Variants in RUBCNL observed in about 807,000 individuals in gnomAD.
The protein encoded by RUBCNL is protein associated with UVRAG as autophagy enhancer.
A neutral mutation model predicts 69.5 loss-of-function variants in RUBCNL; 62 were observed. The ratio of observed to expected loss-of-function variants is 0.89; its 90% CI spans 0.73 to 1.10. The LOEUF is 1.10. RUBCNL is among the 50% of genes least tolerant of loss of function. The probability of loss-of-function intolerance (pLI) is 0.00; values close to 1 mark genes in which losing one functional copy is unlikely to be tolerated. For missense variants in RUBCNL, 768 were observed against 798.1 expected, an observed-to-expected ratio of 0.96 and a Z score of 0.45; for synonymous variants, 291 against 303.6, an observed-to-expected ratio of 0.96 and a Z score of 0.43.
chr13:46,350,373 G>A (rs367676102), intron 10 of RUBCNL, 22 bp from the exon 11 acceptor site: 59 of 1,501,620 alleles, frequency 3.9e-5, no homozygotes, highest in Middle Eastern at 1.7e-4. Flanking sequence ...ACCGGAGGGT[G>A]AGTGCCACAC....
rs1216145978 is a variant in RUBCNL at position 46,335,313 on chromosome 13, A to T, written c.*8072T>A. Among the ~76,000 whole-genome samples, 2 of 141,480 alleles carry T rather than the reference A, an allele frequency of 1.4e-5. No homozygotes were observed. The highest frequency in any genetic ancestry group is 3.0e-5 in the Non-Finnish European group (2 of 66,846). The allele number at this position is 141,480 out of a possible 152,430, so 92.8% of individuals were successfully genotyped here. A position where few individuals can be genotyped will look rare whatever the true frequency, so the allele number is the denominator to read the frequency against. On this transcript the variant is annotated 3_prime_UTR_variant, in exon 15 of 15. Transcript: ENST00000429979. The stretch of plus-strand genomic sequence containing the variant: ...GAGACAGGGTCTCGCTATGTTGCAC[A>T]GGCTGGTCACAAACTCCTGGGCTCA...
At chr13:46,358,860 G>A (rs1016560384) in intron 9 of RUBCNL, among the ~76,000 whole-genome samples, 5 of 151,780 alleles carry the variant, frequency 3.3e-5, no homozygotes, top group African/African-American at 4.8e-5. Context: ...CACCGTACCC[G>A]GCCTCTGTAA....
chr13:46,372,307 G>C lies in RUBCNL; in HGVS notation c.169C>G (p.Gln57Glu). The C allele has an allele frequency of 6.2e-7, 1 of 1,613,998 alleles. No homozygotes were observed. Residue 57 changes from glutamine to glutamate, a missense_variant, in exon 3 of 15, where the codon CAG becomes GAG. Gln to Glu is a conservative substitution (Grantham distance 29). Coordinates refer to ENST00000429979, the MANE Select transcript of RUBCNL (RefSeq NM_025113.5). ...TCCTGCGGCTGTTGCTGCACATCCT[G>C]GGGGTTAATCCAGACAGCTTTGTGC... is the stretch of plus-strand genomic sequence containing the variant. ...MRHKAVWINP[Q>E]DVQQQPQDLQ...
At chr13:46,363,794 G>C (rs2048685750) in intron 5 of RUBCNL, among the ~76,000 whole-genome samples, 1 of 151,592 alleles carries the variant, frequency 6.6e-6, no homozygotes, top group African/African-American at 2.4e-5. Flanking sequence ...CTGGGAGGCG[G>C]AGATTGTAGT....
chr13:46,343,481 A>G lies in RUBCNL; in HGVS notation c.1893T>C (p.Phe631=). 6.2e-7 allele frequency: 1 copy of G among 1,613,896 alleles called. No individual in the cohort carries two copies. Among genetic ancestry groups the G allele is most frequent in the Non-Finnish European group, 8.5e-7 (1 of 1,179,844 alleles). The change falls in exon 15 of 15, where the codon TTT becomes TTC. Residue 631 remains phenylalanine (F), a synonymous_variant. Transcript: ENST00000429979. ...CGGAGGACTGGAAGCACTGTTTGTG[A>G]AAGCAAGCCCTGCACGCTGCAAGCA... ...CRRCSACRAC[F]HKQCFQSSEC...
Position 46,372,059 on chromosome 13 carries a change from T to C in RUBCNL, c.417A>G (p.Pro139=), listed in dbSNP as rs758119576. 4 of 1,614,018 alleles carry C rather than the reference T, an allele frequency of 2.5e-6. No homozygotes were observed. The highest frequency in any genetic ancestry group is 1.6e-4 in the Middle Eastern group (1 of 6,062). ...LSSTEVHMVR[P]GYSHRVSLPT... is the part of the protein sequence containing the mutation. The stretch of plus-strand genomic sequence containing the variant: ...GCAGAGACACCCGATGAGAGTATCC[T>C]GGGCGGACCATGTGTACCTCTGTTG... Residue 139 remains proline (P), a synonymous_variant, in exon 3 of 15, where the codon CCA becomes CCG. Coordinates refer to ENST00000429979, the MANE Select transcript of RUBCNL (RefSeq NM_025113.5).
At chr13:46,379,372 G>A (rs985356956) in intron 1 of RUBCNL, among the ~76,000 whole-genome samples, 1 of 152,192 alleles carries the variant, frequency 6.6e-6, no homozygotes, top group South Asian at 2.1e-4. Context: ...CACCGCAGGC[G>A]GCCGAGGGCA....
At chr13:46,388,758 C>T (rs1474281808), upstream of RUBCNL, among the ~76,000 whole-genome samples, 2 of 152,196 alleles carry the variant, frequency 1.3e-5, no homozygotes, top group Admixed American at 1.3e-4. Flanking sequence ...TTTGTCATTT[C>T]CAGGATGGAG....
intron 5 of RUBCNL, among the ~76,000 whole-genome samples, chr13:46,364,779 C>A (rs1450445159): frequency 1.3e-5 from 2 of 150,420 alleles, no homozygotes; most frequent in East Asian, 3.9e-4. Context: ...ACATCTATTG[C>A]CACAAATGTC....
chr13:46,345,672 G>C, intron 12 of RUBCNL, 72 bp from the exon 13 acceptor site: 1 of 1,470,914 alleles, frequency 6.8e-7, no homozygotes, highest in Non-Finnish European at 9.2e-7. Context: ...GGGGCCAGTT[G>C]TTTTCTCTTG....
At chr13:46,349,516 T>C (rs1383728127) in intron 11 of RUBCNL, among the ~76,000 whole-genome samples, 169 bp from the exon 12 acceptor site, 6 of 152,228 alleles carry the variant, frequency 3.9e-5, no homozygotes, top group Non-Finnish European at 7.3e-5. Context: ...AGTCTGCTGA[T>C]CCACAAAGTG....
In RUBCNL at chr13:46,356,832, G is replaced by A. The variant is rs111944954; in HGVS notation, c.1266-336C>T. On this transcript the variant is annotated intron_variant, in intron 9 of 14. Transcript: ENST00000429979. ...CAAGCAATCCTCAGCCTCCTGTGTA[G>A]GTAGCTAGGACTACATGTACACGCC... Among the ~76,000 whole-genome samples, 1,298 of 151,376 alleles carry A rather than the reference G, an allele frequency of 8.6e-3. 12 individuals are homozygous for A. The highest frequency in any genetic ancestry group is 0.029 in the African/African-American group (1,203 of 41,276).
intron 13 of RUBCNL, 63 bp from the exon 14 acceptor site, chr13:46,344,894 T>A: frequency 9.8e-7 from 1 of 1,016,844 alleles, no homozygotes. Flanking sequence ...GTTTTCACTA[T>A]TACAGAACTT....
At chr13:46,368,602 C>T (rs1050685527) in intron 4 of RUBCNL, 131 bp downstream of exon 4, 21 of 1,298,512 alleles carry the variant, frequency 1.6e-5, no homozygotes, top group South Asian at 3.1e-5. Context: ...CTGGCAGTCT[C>T]CATCAATCAA....
upstream of RUBCNL, chr13:46,387,304 C>T: frequency 2.0e-6 from 2 of 985,530 alleles, no homozygotes; most frequent in Non-Finnish European, 2.4e-6. Context: ...GCCGCCACGC[C>T]CCCCGCCTCC....
At chr13:46,378,705 G>A (rs1413159670) in intron 1 of RUBCNL, 2 of 152,204 alleles carry the variant, frequency 1.3e-5, no homozygotes, top group South Asian at 2.1e-4. Flanking sequence ...TGATGCCTAC[G>A]GTGACCTCAC....
At position 46,372,540 on chromosome 13, in the gene RUBCNL, C is replaced by A; in HGVS notation, c.-65G>T. ...GATAGGAGTTCCCTGATTGCTGGTACTACTTGATTTGGGCCCTGAACTCAC... is the reference window on the plus strand; with the variant it reads ...GATAGGAGTTCCCTGATTGCTGGTAATACTTGATTTGGGCCCTGAACTCAC... On this transcript the variant is annotated 5_prime_UTR_variant, in exon 3 of 15. Coordinates refer to ENST00000429979, the MANE Select transcript of RUBCNL (RefSeq NM_025113.5). 2.0e-6 allele frequency: 3 copies of A among 1,517,696 alleles called. No homozygotes were observed. In the South Asian group the frequency reaches 3.8e-5, roughly 19 times the overall value. 94.0% of individuals were successfully genotyped at this position (1,517,696 alleles called of 1,614,324 possible).
intron 5 of RUBCNL, among the ~76,000 whole-genome samples, chr13:46,364,193 A>C (rs2048695973): frequency 1.3e-5 from 2 of 152,082 alleles, no homozygotes; most frequent in Admixed American, 6.6e-5. Context: ...CAGGAGTTTG[A>C]GACCAGACTG....
intron 1 of RUBCNL, chr13:46,385,328 G>C: frequency 1.1e-6 from 1 of 888,828 alleles, no homozygotes; most frequent in South Asian, 5.2e-5. Context: ...AACAATCAGA[G>C]ATCTAATTGG....
Sources: gnomAD v4.1 joint callset for allele counts (sites outside exome capture counted in the v4.1 genomes callset) on GRCh38, gnomAD v4.1.1 for gene constraint, MANE v1.5 for transcripts, NCBI Gene and HGNC (gene_info 2026-07-23, HGNC 2026-07-21) for gene names.